TENM2: variants seen among roughly 807,000 people sequenced by gnomAD.
TENM2 encodes teneurin transmembrane protein 2, also known as teneurin-2.
In TENM2, 52 loss-of-function variants were observed where a neutral mutation model predicts 245.2. The ratio of observed to expected loss-of-function variants is 0.21; its 90% CI spans 0.17 to 0.27. The LOEUF is 0.27. TENM2 is among the 10% of genes least tolerant of loss of function. The pLI is 1.00. For synonymous variants in TENM2, 1,363 were observed against 1,438.9 expected, an observed-to-expected ratio of 0.95 and a Z score of 1.19; for missense variants, 3,046 against 3,666.8, an observed-to-expected ratio of 0.83 and a Z score of 4.37.
intron 2 of TENM2, chr5:167,660,542 TA>T (rs941673059): frequency 2.0e-5 from 3 of 149,802 alleles, no homozygotes; most frequent in Non-Finnish European, 3.0e-5. Context: ...TAATTATGTC[TA>T]AAAACCTCTG....
chr5:167,252,266 A>G, the TENM2 span, among the ~76,000 whole-genome samples: 1 of 152,226 alleles, frequency 6.6e-6, no homozygotes, highest in Non-Finnish European at 1.5e-5. Flanking sequence ...AATGGGCTAC[A>G]GAGGCTGAGT....
chr5:167,687,897 C>G (rs1461518335), intron 2 of TENM2, among the ~76,000 whole-genome samples: 1 of 152,172 alleles, frequency 6.6e-6, no homozygotes, highest in Admixed American at 6.5e-5. Context: ...GCAAGAATCA[C>G]TATCAACATT....
chr5:167,893,622 GT>G (rs1269505248), intron 3 of TENM2, among the ~76,000 whole-genome samples: 2 of 150,596 alleles, frequency 1.3e-5, no homozygotes, highest in Non-Finnish European at 3.0e-5. Flanking sequence ...AACAAAAAAG[GT>G]TTTTTTGTTG....
At chr5:167,997,352 CTCTATCCT>C (rs1183944765) in intron 5 of TENM2, among the ~76,000 whole-genome samples, 2 of 152,224 alleles carry the variant, frequency 1.3e-5, no homozygotes, top group Non-Finnish European at 2.9e-5. Flanking sequence ...CCTTATCTAG[CTCTATCCT>C]CTTTAGCAAG....
At chr5:167,539,873 T>C (rs1354197374) in intron 2 of TENM2, among the ~76,000 whole-genome samples, 2 of 152,154 alleles carry the variant, frequency 1.3e-5, no homozygotes, top group Admixed American at 6.6e-5. Flanking sequence ...TACAGCCCTA[T>C]CTTTCTAGAC....
chr5:168,251,501 C>T (rs1196786758), intron 27 of TENM2, among the ~76,000 whole-genome samples: 1 of 152,064 alleles, frequency 6.6e-6, no homozygotes, highest in South Asian at 2.1e-4. Flanking sequence ...TCAGTGGGAG[C>T]CAAGGGAGAG....
intron 2 of TENM2, among the ~76,000 whole-genome samples, chr5:167,820,123 T>C (rs1046724527): frequency 6.6e-6 from 1 of 152,056 alleles, no homozygotes; most frequent in Non-Finnish European, 1.5e-5. Context: ...AAGAGTCCTT[T>C]TCCCTGGGCT....
chr5:168,257,471 G>A (rs1346982097), intron 27 of TENM2, among the ~76,000 whole-genome samples: 8 of 152,216 alleles, frequency 5.3e-5, no homozygotes, highest in Admixed American at 4.6e-4. Context: ...AGGCAGGAGC[G>A]AGGGAGAGCA....
chr5:168,253,132 A>T (rs1767280293), intron 27 of TENM2, among the ~76,000 whole-genome samples: 1 of 151,708 alleles, frequency 6.6e-6, no homozygotes, highest in Non-Finnish European at 1.5e-5. Flanking sequence ...ACGCCCAGCT[A>T]ATTTTTTTGT....
chr5:167,431,020 ATCT>A (rs1343063347), intron 2 of TENM2, among the ~76,000 whole-genome samples: 1 of 152,196 alleles, frequency 6.6e-6, no homozygotes, highest in Non-Finnish European at 1.5e-5. Flanking sequence ...ATGGCTGGTA[ATCT>A]TCTCTCTTAT....
the TENM2 span, among the ~76,000 whole-genome samples, chr5:167,096,652 G>C: frequency 6.6e-6 from 1 of 152,160 alleles, no homozygotes. Flanking sequence ...AGACTGGTCT[G>C]TGTTCTCTGA....
At chr5:167,772,466 G>T (rs1332002961) in intron 2 of TENM2, among the ~76,000 whole-genome samples, 1 of 152,048 alleles carries the variant, frequency 6.6e-6, no homozygotes, top group Non-Finnish European at 1.5e-5. Flanking sequence ...TCTATTCATT[G>T]TGGAAGTTAT....
intron 19 of TENM2, among the ~76,000 whole-genome samples, chr5:168,210,528 C>G (rs952076041): frequency 6.6e-6 from 1 of 152,020 alleles, no homozygotes; most frequent in African/African-American, 2.4e-5. Context: ...CGGCTGCCAC[C>G]CTGACACACC....
intron 7 of TENM2, among the ~76,000 whole-genome samples, chr5:168,086,215 C>T (rs536349542): frequency 5.3e-4 from 80 of 152,308 alleles, no homozygotes; most frequent in African/African-American, 1.7e-3. Context: ...ACAGCCCCCG[C>T]TCCACGGTCT....
At chr5:167,802,278 T>C (rs1765840072) in intron 2 of TENM2, among the ~76,000 whole-genome samples, 1 of 152,154 alleles carries the variant, frequency 6.6e-6, no homozygotes, top group Admixed American at 6.5e-5. Context: ...GGACGCTTCA[T>C]TGTTTAAAAC....
intron 2 of TENM2, among the ~76,000 whole-genome samples, chr5:167,412,304 A>G (rs903330518): frequency 9.6e-6 from 1 of 104,138 alleles, no homozygotes; most frequent in Non-Finnish European, 2.3e-5. Flanking sequence ...CTGAGGAGAA[A>G]AGAGAGGGAC....
At chr5:167,799,249 G>T (rs557014220) in intron 2 of TENM2, among the ~76,000 whole-genome samples, 1 of 152,244 alleles carries the variant, frequency 6.6e-6, no homozygotes, top group Admixed American at 6.5e-5. Context: ...GTGTACTTGA[G>T]ATTTTAAATG....
At chr5:167,239,594 T>C in the TENM2 span, among the ~76,000 whole-genome samples, 2 of 152,204 alleles carry the variant, frequency 1.3e-5, no homozygotes, top group Non-Finnish European at 2.9e-5. Flanking sequence ...TACCTTTTAC[T>C]AGACTTCCTC....
At chr5:167,310,263 A>C (rs748451063) in intron 1 of TENM2, among the ~76,000 whole-genome samples, 1 of 152,200 alleles carries the variant, frequency 6.6e-6, no homozygotes, top group African/African-American at 2.4e-5. Context: ...GAATATAAGC[A>C]GTTTTATTTG....
Sources: gnomAD v4.1 joint callset for allele counts (sites outside exome capture counted in the v4.1 genomes callset) on GRCh38, gnomAD v4.1.1 for gene constraint, MANE v1.5 for transcripts, NCBI Gene and HGNC (gene_info 2026-07-23, HGNC 2026-07-21) for gene names.